Variants in SPPL3 observed in about 807,000 individuals in gnomAD.
The protein encoded by SPPL3 is signal peptide peptidase like 3, also known as signal peptide peptidase-like 3.
SPPL3 carries 5 observed loss-of-function variants against 42.4 expected under a neutral mutation model. The observed-to-expected ratio is 0.12, with a 90% confidence interval of 0.06 to 0.25. The LOEUF (loss-of-function observed/expected upper bound fraction) is 0.25, where lower values mean the gene tolerates loss of function less well. Ranked by LOEUF, SPPL3 falls within the 10% of genes least tolerant of loss-of-function variation. The probability of loss-of-function intolerance (pLI) is 1.00; values close to 1 mark genes in which losing one functional copy is unlikely to be tolerated. For missense variants in SPPL3, 235 were observed against 489.0 expected (o/e 0.48, Z 4.90); for synonymous variants, 195 against 181.8 (o/e 1.07, Z -0.58).
intron 1 of SPPL3, among the ~76,000 whole-genome samples, chr12:120,850,989 G>A (rs1872203981): frequency 6.6e-6 from 1 of 152,132 alleles, no homozygotes; most frequent in South Asian, 2.1e-4. Flanking sequence ...GATGCCATCT[G>A]CAAAGTCTCC....
chr12:120,851,532 C>T (rs996105691), intron 1 of SPPL3, among the ~76,000 whole-genome samples: 1 of 152,092 alleles, frequency 6.6e-6, no homozygotes, highest in African/African-American at 2.4e-5. Flanking sequence ...AGCTCAGGAG[C>T]TTCTGGGCAC....
chr12:120,822,873 G>C (rs1871113220), intron 1 of SPPL3, among the ~76,000 whole-genome samples: 1 of 152,040 alleles, frequency 6.6e-6, no homozygotes, highest in Admixed American at 6.5e-5. Context: ...TCTGGTCACT[G>C]TTCTGTCCTA....
chr12:120,867,688 G>T (rs1872796611), intron 1 of SPPL3, among the ~76,000 whole-genome samples: 1 of 150,196 alleles, frequency 6.7e-6, no homozygotes, highest in Non-Finnish European at 1.5e-5. Flanking sequence ...ACTTAATGGT[G>T]CTGAGAAGAA....
chr12:120,799,864 C>T (rs1278873396), intron 2 of SPPL3, among the ~76,000 whole-genome samples: 4 of 152,134 alleles, frequency 2.6e-5, no homozygotes, highest in Non-Finnish European at 5.9e-5. Flanking sequence ...GACTGGGGTC[C>T]GGTAAAGTTA....
At chr12:120,803,374 AAG>A (rs1330409333) in intron 2 of SPPL3, among the ~76,000 whole-genome samples, 2 of 152,172 alleles carry the variant, frequency 1.3e-5, no homozygotes, top group African/African-American at 2.4e-5. Flanking sequence ...CAATTGTAGG[AAG>A]CAAAATGGAG....
intron 1 of SPPL3, among the ~76,000 whole-genome samples, chr12:120,858,517 A>T (rs1872532253): frequency 2.0e-5 from 3 of 152,226 alleles, no homozygotes; most frequent in Middle Eastern, 3.4e-3. Flanking sequence ...ATAAATCTGA[A>T]TTAGAACAAC....
intron 1 of SPPL3, among the ~76,000 whole-genome samples, chr12:120,899,888 CAAAAAAAAAA>C (rs34814522): frequency 1.4e-5 from 1 of 71,704 alleles, no homozygotes; most frequent in Non-Finnish European, 2.4e-5. Flanking sequence ...GACCCTGTCT[CAAAAAAAAAA>C]AAAAAAAAAA....
chr12:120,827,229 A>G (rs1566053262), intron 1 of SPPL3, among the ~76,000 whole-genome samples: 1 of 151,872 alleles, frequency 6.6e-6, no homozygotes, highest in Non-Finnish European at 1.5e-5. Flanking sequence ...TACCCTTAAC[A>G]GGGAAGTAGT....
At chr12:120,803,503 T>C (rs1023605864) in intron 2 of SPPL3, among the ~76,000 whole-genome samples, 1 of 152,100 alleles carries the variant, frequency 6.6e-6, no homozygotes, top group African/African-American at 2.4e-5. Context: ...AACCTTAACA[T>C]TATTTTTTTC....
chr12:120,874,409 C>A (rs1198880678), intron 1 of SPPL3, among the ~76,000 whole-genome samples: 1 of 141,988 alleles, frequency 7.0e-6, no homozygotes, highest in East Asian at 2.1e-4. Context: ...GCTGAGATTG[C>A]GCCACTGCAC....
intron 1 of SPPL3, among the ~76,000 whole-genome samples, chr12:120,841,668 T>G (rs61946363): frequency 2.0e-5 from 3 of 152,206 alleles, no homozygotes; most frequent in East Asian, 3.8e-4. Flanking sequence ...AACGTATTAA[T>G]TGGCCAAGTC....
intron 1 of SPPL3, among the ~76,000 whole-genome samples, chr12:120,895,590 G>A (rs1468307261): frequency 6.6e-6 from 1 of 152,140 alleles, no homozygotes; most frequent in Non-Finnish European, 1.5e-5. Flanking sequence ...CAAAGTTTAA[G>A]CGCTGGCTAA....
chr12:120,800,169 T>C (rs1870239977), intron 2 of SPPL3, among the ~76,000 whole-genome samples: 1 of 152,196 alleles, frequency 6.6e-6, no homozygotes, highest in South Asian at 2.1e-4. Flanking sequence ...ATACATTCCA[T>C]CCAAATTGTA....
intron 1 of SPPL3, among the ~76,000 whole-genome samples, chr12:120,813,756 A>C (rs1387229629): frequency 1.3e-5 from 2 of 152,190 alleles, no homozygotes; most frequent in Admixed American, 1.3e-4. Flanking sequence ...AATCCAACTC[A>C]GAGTAACTCA....
At chr12:120,852,779 A>AT (rs1271957537) in intron 1 of SPPL3, among the ~76,000 whole-genome samples, 5,467 of 54,630 alleles carry the variant, frequency 0.1, 730 homozygotes, top group East Asian at 0.2. Context: ...TTATATATAA[A>AT]ATATATTTCA....
chr12:120,781,954 T>C (rs1441446857), intron 6 of SPPL3, among the ~76,000 whole-genome samples: 1 of 151,544 alleles, frequency 6.6e-6, no homozygotes, highest in Non-Finnish European at 1.5e-5. Context: ...CATAGCTCTC[T>C]GTAATCTTGA....
At chr12:120,894,277 T>C (rs1873732632) in intron 1 of SPPL3, among the ~76,000 whole-genome samples, 1 of 152,180 alleles carries the variant, frequency 6.6e-6, no homozygotes, top group African/African-American at 2.4e-5. Flanking sequence ...TGAGCCAAGA[T>C]GGTGCCACTG....
intron 6 of SPPL3, among the ~76,000 whole-genome samples, chr12:120,776,276 A>G (rs577119594): frequency 6.6e-6 from 1 of 152,328 alleles, no homozygotes; most frequent in East Asian, 1.9e-4. Flanking sequence ...AAAACTTTTC[A>G]ACTATGAAGT....
At chr12:120,837,199 T>TA (rs1871649608) in intron 1 of SPPL3, among the ~76,000 whole-genome samples, 1 of 152,240 alleles carries the variant, frequency 6.6e-6, no homozygotes, top group Non-Finnish European at 1.5e-5. Flanking sequence ...ACTAGCTATA[T>TA]TATTAATATG....
Sources: gnomAD v4.1 joint callset for allele counts (sites outside exome capture counted in the v4.1 genomes callset) on GRCh38, gnomAD v4.1.1 for gene constraint, MANE v1.5 for transcripts, NCBI Gene and HGNC (gene_info 2026-07-23, HGNC 2026-07-21) for gene names.